Variants in CRYBG2 observed in about 807,000 individuals in gnomAD.
CRYBG2 encodes crystallin beta-gamma domain containing 2, also known as beta/gamma crystallin domain-containing protein 2.
Under a neutral mutation model 153.4 loss-of-function variants are expected in CRYBG2, and 106 were observed. The observed-to-expected ratio is 0.69, with a 90% CI of 0.59 to 0.81. CRYBG2 has a LOEUF of 0.81. CRYBG2 is among the 30% of genes least tolerant of loss of function. The pLI, the probability that CRYBG2 is intolerant of heterozygous loss-of-function variation, is 0.00. For synonymous variants in CRYBG2, 851 were observed against 877.8 expected (o/e 0.97, Z 0.54); for missense variants, 1,996 against 2,112.0 (o/e 0.95, Z 1.08).
At position 26,346,214 on chromosome 1, in the gene CRYBG2, A is replaced by C; in HGVS notation, c.444T>G (p.Pro148=). ...MARTELLVPL[P]GPREPSPHPG... is the part of the protein sequence containing the mutation. The stretch of plus-strand genomic sequence containing the variant: ...GGTGGGGACTTGGCTCTCGGGGCCC[A>C]GGCAGGGGAACCAAAAGCTCAGTCC... Residue 148 remains proline, a synonymous_variant, in exon 2 of 20, where the codon CCT becomes CCG. Transcript: ENST00000308182. This position sits in a 1 kb window ranked among gnomAD's most constrained non-coding sequence, Gnocchi z 4.9. 6.4e-7 allele frequency: 1 copy of C among 1,573,316 alleles called. No homozygotes were observed. The highest frequency in any genetic ancestry group is 1.8e-5 in the Admixed American group (1 of 57,114).
rs572890916 is a variant in CRYBG2, at chr1:26,328,254, G to A, written c.4533C>T (p.Thr1511=). 7 of 1,565,862 alleles carry A rather than the reference G, an allele frequency of 4.5e-6. No individual in the cohort carries two copies. In the East Asian group the frequency reaches 1.2e-4, roughly 27 times the overall value. ...AGCCCACCCTCTGGGTGCCGCTGTA[G>A]GTCAGCCAGTTGGTGATCTCGCAGC... The part of the protein sequence containing the change: ...VGSCEITNWL[T]YSGTQRVGSL... Residue 1511 remains threonine (T), a synonymous_variant, in exon 17 of 20, where the codon ACC becomes ACT. Transcript: ENST00000308182.
Position 26,321,898 on chromosome 1 carries a change from A to T in CRYBG2, c.*70T>A. 7.5e-7 allele frequency: 1 copy of T among 1,326,526 alleles called. No individual in the cohort carries two copies. The highest frequency in any genetic ancestry group is 1.0e-6 in the Non-Finnish European group (1 of 984,682). 82.2% of individuals were successfully genotyped at this position (1,326,526 alleles called of 1,614,324 possible). A position where few individuals can be genotyped will look rare whatever the true frequency, so the allele number is the denominator to read the frequency against. Reference sequence around the variant, plus strand: ...AGCATATTAGAAAATAGCTTATGTTACAACAAAAACCCTATAAAAACATTC... The same window carrying T: ...AGCATATTAGAAAATAGCTTATGTTTCAACAAAAACCCTATAAAAACATTC... On this transcript the variant is annotated 3_prime_UTR_variant, in exon 20 of 20. Transcript: ENST00000308182.
In CRYBG2 at chr1:26,343,158, A is replaced by G. The variant is rs2074153929; in HGVS notation, c.2963T>C (p.Val988Ala). 3.2e-6 allele frequency: 5 copies of G among 1,550,572 alleles called. No individual in the cohort carries two copies. Among genetic ancestry groups the G allele is most frequent in the Non-Finnish European group, 4.4e-6 (5 of 1,146,968 alleles). The change falls in exon 4 of 20, where the codon GTG becomes GCG. Residue 988 changes from valine (V) to alanine (A), a missense_variant and splice_region_variant. Physicochemically the swap from Val to Ala is moderately conservative, Grantham distance 64. Coordinates refer to ENST00000308182, the MANE Select transcript of CRYBG2 (RefSeq NM_001039775.4). This position sits in a 1 kb window ranked among gnomAD's most constrained non-coding sequence, Gnocchi z 4.1. ...GCAGCCAGACTCTGAGAAGAAGATC[A>G]CCTGAGAAGGCACAGAAGGGGTCCT... ...QGKLNTRPGKVIFFSESGCQG... is the reference protein window; with the variant it reads ...QGKLNTRPGKAIFFSESGCQG...
intron 5 of CRYBG2, among the ~76,000 whole-genome samples, chr1:26,340,596 G>A (rs867277518): frequency 1.3e-5 from 2 of 151,854 alleles, no homozygotes; most frequent in African/African-American, 4.8e-5. Context: ...GAGAGGCTTT[G>A]TTTTTTTTGT....
At chr1:26,341,205 G>T (rs1311729160) in intron 5 of CRYBG2, among the ~76,000 whole-genome samples, 1 of 151,700 alleles carries the variant, frequency 6.6e-6, no homozygotes, top group Non-Finnish European at 1.5e-5. Context: ...GCCGGGCATA[G>T]TGGCAGGTGC....
chr1:26,330,679 C>T (rs2073988058), intron 15 of CRYBG2, among the ~76,000 whole-genome samples: 1 of 151,648 alleles, frequency 6.6e-6, no homozygotes, highest in African/African-American at 2.4e-5. Flanking sequence ...GCTGGGATTA[C>T]AGACGTGCAC....
In CRYBG2 at chr1:26,324,172, C is replaced by T. The variant is rs189284478; in HGVS notation, c.4717G>A (p.Asp1573Asn). Residue 1573 changes from aspartate to asparagine, a missense_variant, in exon 18 of 20, where the codon GAT (aspartate) becomes AAT (asparagine). Coordinates refer to ENST00000308182, the MANE Select transcript of CRYBG2 (RefSeq NM_001039775.4). Reference protein sequence around the residue: ...AGGSCIWYYEDGLLKNQMAPT... With the variant: ...AGGSCIWYYENGLLKNQMAPT... ...AGTACCTGGTTCTTCAGCAGCCCATCCTCGTAGTACCAGATGCAGCTACCT... is the reference window on the plus strand; with the variant it reads ...AGTACCTGGTTCTTCAGCAGCCCATTCTCGTAGTACCAGATGCAGCTACCT... 33 of 1,613,666 alleles carry T rather than the reference C, an allele frequency of 2.0e-5. No homozygotes were observed. Among genetic ancestry groups the T allele is most frequent in the Non-Finnish European group, 2.7e-5 (32 of 1,179,938 alleles).
rs998261925 is a variant in CRYBG2, at chr1:26,325,378, C to A, written c.4579-1068G>T. 6.6e-6 allele frequency among the ~76,000 whole-genome samples: 1 copy of A among 152,028 alleles called. No homozygotes were observed. The highest frequency in any genetic ancestry group is 2.4e-5 in the African/African-American group (1 of 41,386). ...TTCGAGGTCAGCCTGGCCAACATGGCAAAACCCTGTCTGTACCAAAAATAC... is the reference window on the plus strand; with the variant it reads ...TTCGAGGTCAGCCTGGCCAACATGGAAAAACCCTGTCTGTACCAAAAATAC... On this transcript the variant is annotated intron_variant, in intron 17 of 19. Coordinates refer to ENST00000308182, the MANE Select transcript of CRYBG2 (RefSeq NM_001039775.4). This position sits in a 1 kb window ranked among gnomAD's most constrained non-coding sequence, Gnocchi z 4.1.
At chr1:26,329,925 CG>C (rs909338793) in intron 15 of CRYBG2, among the ~76,000 whole-genome samples, 20 of 152,130 alleles carry the variant, frequency 1.3e-4, no homozygotes, top group African/African-American at 4.6e-4. Context: ...TTTGTAGAGA[CG>C]GGGTTTCATC....
In CRYBG2 at chr1:26,336,439, A is replaced by T; in HGVS notation, c.4039-69T>A. Reference sequence around the variant, plus strand: ...CCTAGCCTTGTCTTCTCTAGGTTTCAGTACCGTCCACCCCGCGGCCGCGCC... The same window carrying T: ...CCTAGCCTTGTCTTCTCTAGGTTTCTGTACCGTCCACCCCGCGGCCGCGCC... On this transcript the variant is annotated intron_variant, in intron 12 of 19. Transcript: ENST00000308182. This position sits in a 1 kb window ranked among gnomAD's most constrained non-coding sequence, Gnocchi z 4.9. 6.3e-7 allele frequency: 1 copy of T among 1,586,436 alleles called. No individual in the cohort carries two copies. The highest frequency in any genetic ancestry group is 1.1e-5 in the South Asian group (1 of 87,310).
chr1:26,325,337 C>T lies in CRYBG2; in HGVS notation c.4579-1027G>A, dbSNP rs1039861528. Among the ~76,000 whole-genome samples, 2 of 152,244 alleles carry T rather than the reference C, an allele frequency of 1.3e-5. No individual in the cohort carries two copies. The highest frequency in any genetic ancestry group is 4.8e-5 in the African/African-American group (2 of 41,470). ...CTTTGGGAGGCCAAGGCGGGTGGATCACCTGAGGTCAGGAGTTCGAGGTCA... is the reference window on the plus strand; with the variant it reads ...CTTTGGGAGGCCAAGGCGGGTGGATTACCTGAGGTCAGGAGTTCGAGGTCA... On this transcript the variant is annotated intron_variant, in intron 17 of 19. Transcript: ENST00000308182. This position sits in a 1 kb window ranked among gnomAD's most constrained non-coding sequence, Gnocchi z 4.1.
chr1:26,332,122 A>G (rs987091141), intron 14 of CRYBG2, among the ~76,000 whole-genome samples: 2 of 151,160 alleles, frequency 1.3e-5, no homozygotes, highest in African/African-American at 4.9e-5. Flanking sequence ...CCTGGCTAAC[A>G]CAGTGAAACC....
At chr1:26,338,183 A>T in intron 7 of CRYBG2, 136 bp from the exon 8 acceptor site, 1 of 1,405,302 alleles carries the variant, frequency 7.1e-7, no homozygotes, top group Non-Finnish European at 9.6e-7. Context: ...GTTAATCCCT[A>T]CCTCTCCTCC....
At position 26,353,138 on chromosome 1, in the gene CRYBG2, T is replaced by C. The variant is rs2124075389; in HGVS notation, c.-56+898A>G. 1.3e-5 allele frequency among the ~76,000 whole-genome samples: 2 copies of C among 152,296 alleles called. 1 individual carries two copies. The highest frequency in any genetic ancestry group is 4.1e-4 in the South Asian group (2 of 4,822). ...AAACCTAAGTTCAGATTCTAGCCCC[T>C]TCACTTTCTAGTTGACTTTGAGCAA... is the stretch of plus-strand genomic sequence containing the variant. On this transcript the variant is annotated intron_variant, in intron 1 of 19. Coordinates refer to ENST00000308182, the MANE Select transcript of CRYBG2 (RefSeq NM_001039775.4).
chr1:26,343,183 TCAGGCCCTGACCC>T lies in CRYBG2; in HGVS notation c.2962-37_2962-25del, dbSNP rs1028497047. On this transcript the variant is annotated intron_variant, in intron 3 of 19. Transcript: ENST00000308182. The surrounding 1 kb of genome is among the most constrained non-coding windows in gnomAD (Gnocchi z 4.1). ...ACCTGAGAAGGCACAGAAGGGGTCC[TCAGGCCCTGACCC>T]CAGGCCCCTGCATCCTGCTGCCCCC... The T allele has an allele frequency of 1.3e-6, 2 of 1,550,442 alleles. No homozygotes were observed. Among genetic ancestry groups the T allele is most frequent in the Admixed American group, 3.9e-5 (2 of 50,976 alleles).
At position 26,346,975 on chromosome 1, in the gene CRYBG2, C is replaced by T. The variant is rs7535656; in HGVS notation, c.-55-263G>A. On this transcript the variant is annotated intron_variant, in intron 1 of 19. Coordinates refer to ENST00000308182, the MANE Select transcript of CRYBG2 (RefSeq NM_001039775.4). This position sits in a 1 kb window ranked among gnomAD's most constrained non-coding sequence, Gnocchi z 4.9. ...TTCAAAGGTGAAGCTGAGGCCTGAGCCCAGAAGGAGAGAAAAGGAAGAAGG... is the reference window on the plus strand; with the variant it reads ...TTCAAAGGTGAAGCTGAGGCCTGAGTCCAGAAGGAGAGAAAAGGAAGAAGG... Among the ~76,000 whole-genome samples the T allele has an allele frequency of 7.9e-5, 12 of 151,984 alleles. No individual in the cohort carries two copies.
chr1:26,328,776 C>T lies in CRYBG2; in HGVS notation c.4412G>A (p.Gly1471Asp). ...SREVRSLQAE[G>D]FNNHVLSVRI... ...CACAGACAGCACATGGTTGTTGAAGCCCTCGGCTTGCAGGCTCCGCACCTC... is the reference window on the plus strand; with the variant it reads ...CACAGACAGCACATGGTTGTTGAAGTCCTCGGCTTGCAGGCTCCGCACCTC... The change falls in exon 16 of 20, where the codon GGC (glycine) becomes GAC (aspartate). Residue 1471 changes from glycine (G) to aspartate (D), a missense_variant. Physicochemically the swap from Gly to Asp is moderately conservative, Grantham distance 94. Transcript: ENST00000308182. 6.2e-7 allele frequency: 1 copy of T among 1,614,102 alleles called. No individual in the cohort carries two copies. Among genetic ancestry groups the T allele is most frequent in the South Asian group, 1.1e-5 (1 of 91,080 alleles).
In CRYBG2 at chr1:26,324,223, C is replaced by T. The variant is rs2073894400; in HGVS notation, c.4666G>A (p.Val1556Met). ...DHVEDMKAGR[V>M]VVADPQAGGS... The stretch of plus-strand genomic sequence containing the variant: ...CCAGCTTGGGGGTCGGCGACCACCA[C>T]ACGGCCTGCTTTCATGTCCTCCACA... The change falls in exon 18 of 20, where the codon GTG (valine) becomes ATG (methionine). Residue 1556 changes from valine to methionine, a missense_variant. Coordinates refer to ENST00000308182, the MANE Select transcript of CRYBG2 (RefSeq NM_001039775.4). 2 of 1,613,076 alleles carry T rather than the reference C, an allele frequency of 1.2e-6. No homozygotes were observed. The highest frequency in any genetic ancestry group is 1.1e-5 in the South Asian group (1 of 91,094).
At chr1:26,330,101 T>C (rs2073981515) in intron 15 of CRYBG2, among the ~76,000 whole-genome samples, 1 of 152,204 alleles carries the variant, frequency 6.6e-6, no homozygotes, top group South Asian at 2.1e-4. Context: ...CCTTTTCATC[T>C]TCATGATAAC....
Sources: allele counts gnomAD v4.1 joint callset (sites outside exome capture counted in the v4.1 genomes callset), GRCh38; gene constraint gnomAD v4.1.1; non-coding constraint Gnocchi (gnomAD v3.1); transcripts MANE v1.5; gene names NCBI Gene and HGNC (gene_info 2026-07-23, HGNC 2026-07-21).